BCL2L13: variants seen among roughly 807,000 people sequenced by gnomAD.
BCL2L13 encodes BCL2 like 13.
In BCL2L13, 13 loss-of-function variants were observed where a neutral mutation model predicts 25.8. The observed-to-expected ratio is 0.50, with a 90% confidence interval of 0.33 to 0.80. The LOEUF (loss-of-function observed/expected upper bound fraction) is 0.80, where lower values mean the gene tolerates loss of function less well. Among genes scored for constraint, BCL2L13 ranks in the 30% least tolerant of loss-of-function variants. The probability of loss-of-function intolerance (pLI) is 0.02; values close to 1 mark genes in which losing one functional copy is unlikely to be tolerated. For missense variants in BCL2L13, 504 were observed against 574.9 expected, an observed-to-expected ratio of 0.88 and a Z score of 1.26; for synonymous variants, 244 against 230.3, an observed-to-expected ratio of 1.06 and a Z score of -0.54.
chr22:17,670,332 A>G (rs1053339883), intron 2 of BCL2L13, among the ~76,000 whole-genome samples: 60 of 149,026 alleles, frequency 4.0e-4, no homozygotes, highest in African/African-American at 1.4e-3. Context: ...GATTACATTA[A>G]TGTGTAGATC....
chr22:17,653,188 G>A (rs1028994334), intron 1 of BCL2L13, among the ~76,000 whole-genome samples: 2 of 152,210 alleles, frequency 1.3e-5, no homozygotes, highest in East Asian at 1.9e-4. Context: ...TCGTTAAGTC[G>A]GGGACTGTCT....
intron 6 of BCL2L13, chr22:17,702,642 A>G (rs907782212): frequency 3.7e-6 from 1 of 270,440 alleles, no homozygotes; most frequent in Non-Finnish European, 6.8e-6. Context: ...TTGATATGTA[A>G]TTATTATTAT....
intron 5 of BCL2L13, among the ~76,000 whole-genome samples, chr22:17,700,191 A>G (rs143373258): frequency 2.0e-5 from 3 of 152,296 alleles, no homozygotes; most frequent in East Asian, 3.9e-4. Flanking sequence ...TAAGTGATCA[A>G]ATGGATCACT....
chr22:17,640,644 C>A (rs1160113487), intron 1 of BCL2L13, among the ~76,000 whole-genome samples: 1 of 151,592 alleles, frequency 6.6e-6, no homozygotes, highest in Non-Finnish European at 1.5e-5. Flanking sequence ...ATTGCTTGAG[C>A]CCGGGAGTTC....
intron 2 of BCL2L13, among the ~76,000 whole-genome samples, chr22:17,672,719 T>A (rs941813336): frequency 2.0e-5 from 3 of 152,212 alleles, no homozygotes; most frequent in African/African-American, 7.2e-5. Context: ...GTATGACAAC[T>A]TGTCATGTGT....
At chr22:17,658,468 G>A (rs1437610281) in intron 2 of BCL2L13, among the ~76,000 whole-genome samples, 2 of 151,348 alleles carry the variant, frequency 1.3e-5, no homozygotes, top group African/African-American at 2.4e-5. Context: ...CAAGGCGGGC[G>A]GATCGCCTGA....
chr22:17,659,037 G>A (rs1297936717), intron 2 of BCL2L13, among the ~76,000 whole-genome samples: 2 of 91,568 alleles, frequency 2.2e-5, no homozygotes, highest in East Asian at 3.2e-4. Flanking sequence ...CAGCCTGGAC[G>A]ACAGAGCAAG....
Position 17,727,717 on chromosome 22 carries a change from G to C in BCL2L13, c.*183G>C. 1 of 774,510 alleles carries C rather than the reference G, an allele frequency of 1.3e-6. No individual in the cohort carries two copies. The highest frequency in any genetic ancestry group is 1.7e-5 in the African/African-American group (1 of 57,234). 48.0% of individuals were successfully genotyped at this position (774,510 alleles called of 1,614,324 possible). ...TGAGGTGGGGCATTCACATTCATCTGACTGTAAATCCCAAGGGCCTCCGCT... is the reference window on the plus strand; with the variant it reads ...TGAGGTGGGGCATTCACATTCATCTCACTGTAAATCCCAAGGGCCTCCGCT... On this transcript the variant is annotated 3_prime_UTR_variant, in exon 7 of 7. Coordinates refer to ENST00000317582, the MANE Select transcript of BCL2L13 (RefSeq NM_015367.4).
At chr22:17,684,849 C>A (rs577052549) in intron 3 of BCL2L13, among the ~76,000 whole-genome samples, 1 of 152,074 alleles carries the variant, frequency 6.6e-6, no homozygotes, top group Non-Finnish European at 1.5e-5. Flanking sequence ...TCTCCTGCCT[C>A]AGCCTCCCGA....
chr22:17,668,687 G>A (rs1047319721), intron 2 of BCL2L13, among the ~76,000 whole-genome samples: 11 of 151,792 alleles, frequency 7.2e-5, no homozygotes, highest in Non-Finnish European at 1.0e-4. Context: ...GGCTGGTCTC[G>A]AACTCCTGAC....
chr22:17,677,688 A>G (rs59211956), intron 2 of BCL2L13, among the ~76,000 whole-genome samples: 1 of 152,148 alleles, frequency 6.6e-6, no homozygotes, highest in African/African-American at 2.4e-5. Flanking sequence ...CCTGGCCAAC[A>G]TGGTGAAACC....
rs566264430 is a variant in BCL2L13 at position 17,681,142 on chromosome 22, A to C, written c.122-2072A>C. 1.3e-3 allele frequency among the ~76,000 whole-genome samples: 201 copies of C among 152,302 alleles called. 1 individual carries two copies. Among genetic ancestry groups the C allele is most frequent in the African/African-American group, 4.6e-3 (190 of 41,548 alleles). ...ACCCAATAGTACAAAACTGTAGTAC[A>C]TTAGCCAAATGAAAGAGGACTATAT... On this transcript the variant is annotated intron_variant, in intron 2 of 6. Coordinates refer to ENST00000317582, the MANE Select transcript of BCL2L13 (RefSeq NM_015367.4).
chr22:17,702,017 A>C (rs769906520), intron 5 of BCL2L13, among the ~76,000 whole-genome samples: 78 of 152,218 alleles, frequency 5.1e-4, no homozygotes, highest in Middle Eastern at 3.4e-3. Flanking sequence ...ACATGCACAC[A>C]CATGCCTAAT....
chr22:17,703,348 ATTAT>A (rs1220367523), intron 6 of BCL2L13: 1 of 152,240 alleles, frequency 6.6e-6, no homozygotes, highest in East Asian at 1.9e-4. Flanking sequence ...ATTTTGTCTA[ATTAT>A]TTACTAAGAG....
At chr22:17,689,687 A>G (rs1164214614) in intron 4 of BCL2L13, among the ~76,000 whole-genome samples, 1 of 151,950 alleles carries the variant, frequency 6.6e-6, no homozygotes, top group East Asian at 1.9e-4. Flanking sequence ...TACTAAAAAT[A>G]TAAAACTTAG....
rs190987786 is a variant in BCL2L13 at position 17,680,311 on chromosome 22, C to T, written c.122-2903C>T. Among the ~76,000 whole-genome samples, 942 of 150,082 alleles carry T rather than the reference C, an allele frequency of 6.3e-3. 8 individuals are homozygous for T. The highest frequency in any genetic ancestry group is 0.021 in the African/African-American group (857 of 40,808). On this transcript the variant is annotated intron_variant, in intron 2 of 6. Transcript: ENST00000317582. ...GCATCACGAGGTCAGGAGATCAAGACCATCCTGGCTAACACGGTGAAACCC... is the reference window on the plus strand; with the variant it reads ...GCATCACGAGGTCAGGAGATCAAGATCATCCTGGCTAACACGGTGAAACCC...
chr22:17,691,757 T>C (rs531475443), intron 4 of BCL2L13, among the ~76,000 whole-genome samples: 2 of 152,342 alleles, frequency 1.3e-5, no homozygotes, highest in South Asian at 4.1e-4. Context: ...AACTTTATGG[T>C]GTAGTATAAG....
chr22:17,706,021 G>A (rs138338973), intron 6 of BCL2L13, among the ~76,000 whole-genome samples: 2 of 152,284 alleles, frequency 1.3e-5, no homozygotes, highest in East Asian at 3.9e-4. Context: ...AACAGAAATG[G>A]CTAGGACTTA....
At chr22:17,697,807 G>A (rs144500482) in intron 5 of BCL2L13, among the ~76,000 whole-genome samples, 1 of 152,128 alleles carries the variant, frequency 6.6e-6, no homozygotes, top group East Asian at 1.9e-4. Context: ...CTCTGATATA[G>A]ACATTTGAAA....
Sources: gnomAD v4.1 joint callset for allele counts (sites outside exome capture counted in the v4.1 genomes callset) on GRCh38, gnomAD v4.1.1 for gene constraint, MANE v1.5 for transcripts, NCBI Gene and HGNC (gene_info 2026-07-23, HGNC 2026-07-21) for gene names.